The following RABGAP1 variants were observed in gnomAD, a reference collection of about 807,000 sequenced individuals.
RABGAP1 encodes RAB GTPase activating protein 1, also known as rab GTPase-activating protein 1.
RABGAP1 carries 23 observed loss-of-function variants against 137.6 expected under a neutral mutation model. That is an observed-to-expected ratio of 0.17 (90% CI 0.12 to 0.24). The LOEUF (loss-of-function observed/expected upper bound fraction) is 0.24, where lower values mean the gene tolerates loss of function less well. RABGAP1 is among the 10% of genes least tolerant of loss of function. The pLI is 1.00. For missense variants in RABGAP1, 906 were observed against 1,275.8 expected (o/e 0.71, Z 4.42); for synonymous variants, 451 against 450.7 (o/e 1.00, Z -0.01).
At chr9:123,065,543 G>A (rs1226060117) in intron 14 of RABGAP1, 82 bp downstream of exon 14, 2 of 1,032,838 alleles carry the variant, frequency 1.9e-6, no homozygotes, top group Middle Eastern at 2.2e-4. Context: ...ACTACAAAGT[G>A]TAATTTGTAT....
chr9:122,976,223 T>C (rs1835754471), intron 2 of RABGAP1, among the ~76,000 whole-genome samples: 1 of 152,240 alleles, frequency 6.6e-6, no homozygotes. Flanking sequence ...TTGTTTTCCT[T>C]AACAATTCAG....
intron 2 of RABGAP1, among the ~76,000 whole-genome samples, chr9:122,976,923 C>G (rs934838664): frequency 6.6e-6 from 1 of 152,140 alleles, no homozygotes; most frequent in African/African-American, 2.4e-5. Flanking sequence ...GAGAGGATGA[C>G]TTTCCAGGAA....
chr9:122,986,799 A>T (rs1836393802), intron 4 of RABGAP1, among the ~76,000 whole-genome samples: 1 of 152,190 alleles, frequency 6.6e-6, no homozygotes, highest in South Asian at 2.1e-4. Flanking sequence ...TTATTATTAA[A>T]TATTAACTAT....
intron 2 of RABGAP1, among the ~76,000 whole-genome samples, chr9:122,959,237 C>T (rs1467957320): frequency 6.6e-6 from 1 of 151,900 alleles, no homozygotes; most frequent in African/African-American, 2.4e-5. Context: ...AGGAGAACCA[C>T]CCTTGCTAGG....
In RABGAP1 at chr9:123,001,137, C is replaced by T. The variant is rs561333780; in HGVS notation, c.1374+2371C>T. The stretch of plus-strand genomic sequence containing the variant: ...TGCTGGGATTACAGGTGGGAGCCAC[C>T]GCGCCTGGCCCTATTTTTTTATTTT... On this transcript the variant is annotated intron_variant, in intron 10 of 25. Coordinates refer to ENST00000373647, the MANE Select transcript of RABGAP1 (RefSeq NM_012197.4). 2.0e-4 allele frequency among the ~76,000 whole-genome samples: 31 copies of T among 152,266 alleles called. 1 individual carries two copies. Among genetic ancestry groups the T allele is most frequent in the Admixed American group, 1.6e-3 (25 of 15,292 alleles).
chr9:123,062,456 G>A (rs1466510881), intron 13 of RABGAP1: 1 of 152,052 alleles, frequency 6.6e-6, no homozygotes, highest in Non-Finnish European at 1.5e-5. Flanking sequence ...TAGAATTTCT[G>A]CATCACTTTT....
chr9:122,965,591 C>T (rs1835098094), intron 2 of RABGAP1, among the ~76,000 whole-genome samples: 1 of 152,136 alleles, frequency 6.6e-6, no homozygotes, highest in Admixed American at 6.5e-5. Flanking sequence ...ACCATGTTGG[C>T]CATGCTGGTC....
At chr9:122,983,647 T>C (rs1836201792) in intron 2 of RABGAP1, among the ~76,000 whole-genome samples, 2 of 152,232 alleles carry the variant, frequency 1.3e-5, no homozygotes, top group Admixed American at 1.3e-4. Flanking sequence ...TAGGTTTTAG[T>C]CTTCAGAAAG....
chr9:123,094,839 C>T (rs887343912), intron 21 of RABGAP1, among the ~76,000 whole-genome samples: 9 of 152,042 alleles, frequency 5.9e-5, no homozygotes, highest in Admixed American at 2.0e-4. Flanking sequence ...TCTAATTTTT[C>T]GTGTGTCTGT....
chr9:123,097,719 C>T, intron 21 of RABGAP1, 22 bp from the exon 22 acceptor site: 2 of 1,584,326 alleles, frequency 1.3e-6, no homozygotes, highest in South Asian at 1.2e-5. Context: ...TGTTTTGTGA[C>T]AGCATATCTT....
At chr9:122,952,285 G>C (rs1164576703) in intron 1 of RABGAP1, among the ~76,000 whole-genome samples, 1 of 151,734 alleles carries the variant, frequency 6.6e-6, no homozygotes, top group African/African-American at 2.4e-5. Context: ...TTGAGACAGA[G>C]TCTCGCTCTG....
chr9:123,050,466 C>A lies in RABGAP1; in HGVS notation c.1795-14882C>A, dbSNP rs545964674. On this transcript the variant is annotated intron_variant, in intron 13 of 25. Coordinates refer to ENST00000373647, the MANE Select transcript of RABGAP1 (RefSeq NM_012197.4). ...GGTGTGGAAGAACAGCATCACAGCA[C>A]AGAGAGGTCCCATGGTTCCTAGTTG... is the stretch of plus-strand genomic sequence containing the variant. Among the ~76,000 whole-genome samples, 13 of 152,324 alleles carry A rather than the reference C, an allele frequency of 8.5e-5. No homozygotes were observed. In the Middle Eastern group the frequency reaches 0.01, roughly 120 times the overall value.
chr9:122,988,924 C>G, intron 4 of RABGAP1, among the ~76,000 whole-genome samples: 1 of 119,502 alleles, frequency 8.4e-6, no homozygotes, highest in East Asian at 2.4e-4. Flanking sequence ...GCCTGGGCAA[C>G]AAGAGCGAAA....
intron 13 of RABGAP1, chr9:123,035,221 C>A: frequency 1.2e-6 from 2 of 1,614,158 alleles, no homozygotes; most frequent in Non-Finnish European, 1.7e-6. Flanking sequence ...CCGCATCTGC[C>A]AACAGCACAC....
chr9:123,093,098 T>C (rs548888789), intron 21 of RABGAP1, among the ~76,000 whole-genome samples: 1 of 152,326 alleles, frequency 6.6e-6, no homozygotes, highest in Admixed American at 6.5e-5. Flanking sequence ...TTTTTTACTT[T>C]AGGGACTTAG....
At chr9:123,029,329 TAC>T in intron 13 of RABGAP1, 5 of 710,202 alleles carry the variant, frequency 7.0e-6, no homozygotes, top group African/African-American at 1.8e-5. Context: ...TTTTTTTTTT[TAC>T]TTAATAAAGT....
At chr9:122,970,795 C>A (rs1317320051) in intron 2 of RABGAP1, among the ~76,000 whole-genome samples, 1 of 152,128 alleles carries the variant, frequency 6.6e-6, no homozygotes, top group Admixed American at 6.5e-5. Flanking sequence ...GATAGGAATT[C>A]CCATTTTTGA....
intron 1 of RABGAP1, among the ~76,000 whole-genome samples, chr9:122,949,497 A>G (rs1409636967): frequency 6.6e-6 from 1 of 151,976 alleles, no homozygotes; most frequent in Non-Finnish European, 1.5e-5. Flanking sequence ...CTGGGCAACA[A>G]GAGTGAAACT....
intron 6 of RABGAP1, among the ~76,000 whole-genome samples, chr9:122,993,203 A>G (rs1836833741): frequency 6.6e-6 from 1 of 152,170 alleles, no homozygotes; most frequent in Admixed American, 6.5e-5. Context: ...TTTAACATAA[A>G]TATAGACAAA....
Sources: gnomAD v4.1 joint callset for allele counts (sites outside exome capture counted in the v4.1 genomes callset) on GRCh38, gnomAD v4.1.1 for gene constraint, MANE v1.5 for transcripts, NCBI Gene and HGNC (gene_info 2026-07-23, HGNC 2026-07-21) for gene names.